The following PHLDB1 variants were observed in gnomAD, a reference collection of about 807,000 sequenced individuals.
PHLDB1 encodes pleckstrin homology-like domain family B member 1.
A neutral mutation model predicts 139.3 loss-of-function variants in PHLDB1; 65 were observed. That is an observed-to-expected ratio of 0.47 (90% CI 0.38 to 0.57). The LOEUF (loss-of-function observed/expected upper bound fraction) is 0.57. PHLDB1 is among the 20% of genes least tolerant of loss of function. The pLI is 0.00. For missense variants in PHLDB1, 1,624 were observed against 1,839.7 expected (o/e 0.88, Z 2.14); for synonymous variants, 679 against 734.5 (o/e 0.92, Z 1.22).
At chr11:118,637,130 A>G (rs1290592986) in intron 10 of PHLDB1, 1 of 152,134 alleles carries the variant, frequency 6.6e-6, no homozygotes, top group Non-Finnish European at 1.5e-5. Flanking sequence ...GATGATTCTA[A>G]TCCGTGCTCT....
At chr11:118,638,841 G>T in intron 10 of PHLDB1, 50 bp from the exon 11 acceptor site, 1 of 1,403,412 alleles carries the variant, frequency 7.1e-7, no homozygotes, top group Non-Finnish European at 9.7e-7. Flanking sequence ...TCTCACCTTG[G>T]GCTCAGCCCT....
chr11:118,634,889 G>A (rs1018070197), intron 9 of PHLDB1: 62 of 423,492 alleles, frequency 1.5e-4, no homozygotes, highest in Non-Finnish European at 2.6e-4. Context: ...TCTCCCCTGT[G>A]CCCCGCCCTC....
In PHLDB1 at chr11:118,614,504, G is replaced by C; in HGVS notation, c.61-55G>C. On this transcript the variant is annotated intron_variant, in intron 2 of 22. Transcript: ENST00000600882. The stretch of plus-strand genomic sequence containing the variant: ...AGAGAGTGCTGGTGTGACTGGTTTA[G>C]GGTGGTAAGGTGCTGAATCTAATGA... The C allele has an allele frequency of 2.5e-6, 4 of 1,601,678 alleles. No individual in the cohort carries two copies. The Admixed American group carries it at 6.7e-5, about 27-fold the overall frequency.
intron 9 of PHLDB1, 60 bp from the exon 10 acceptor site, chr11:118,635,333 T>G (rs1945468207): frequency 6.6e-7 from 1 of 1,505,482 alleles, no homozygotes; most frequent in East Asian, 2.3e-5. Flanking sequence ...TGGCCTGGTC[T>G]TCCAGGCCCA....
chr11:118,631,196 A>G lies in PHLDB1; in HGVS notation c.1828-11A>G, dbSNP rs1555109510. 1.3e-5 allele frequency: 18 copies of G among 1,420,424 alleles called. No homozygotes were observed. The Admixed American group carries it at 4.2e-4, about 34-fold the overall frequency. 88.0% of individuals were successfully genotyped at this position (1,420,424 alleles called of 1,614,324 possible). ...CTCCCCTTCATGTCCTGCTCTGTCC[A>G]TCCTCCCCAGGAACGCCAGCGCCTG... On this transcript the variant is annotated splice_polypyrimidine_tract_variant and intron_variant, in intron 6 of 22. Transcript: ENST00000600882.
Position 118,632,991 on chromosome 11 carries a change from C to CTT in PHLDB1, c.2379+709_2379+710dup, listed in dbSNP as rs67219463. ...TGAGAATCTTAAAAATTCTTTGACC[C>CTT]TTTTTTTTTTTTTTTGGAGCTTTGG... On this transcript the variant is annotated intron_variant, in intron 9 of 22. Coordinates refer to ENST00000600882, the MANE Select transcript of PHLDB1 (RefSeq NM_001144758.3). The surrounding 1 kb of genome is among the most constrained non-coding windows in gnomAD (Gnocchi z 5.9). 2.7e-4 allele frequency: 48 copies of CTT among 178,896 alleles called. No homozygotes were observed. The highest frequency in any genetic ancestry group is 3.6e-4 in the Non-Finnish European group (36 of 100,520). The allele number at this position is 178,896 out of a possible 1,614,324, so 11.1% of individuals were successfully genotyped here. A position where few individuals can be genotyped will look rare whatever the true frequency, so the allele number is the denominator to read the frequency against.
Position 118,645,125 on chromosome 11 carries a change from A to G in PHLDB1, c.3122-231A>G. Reference sequence around the variant, plus strand: ...TGTCCTATATGGACTCAGGGTGCGAAAGAGCACTGAAGCCAGACTGTGCAT... The same window carrying G: ...TGTCCTATATGGACTCAGGGTGCGAGAGAGCACTGAAGCCAGACTGTGCAT... On this transcript the variant is annotated intron_variant, in intron 15 of 22. Coordinates refer to ENST00000600882, the MANE Select transcript of PHLDB1 (RefSeq NM_001144758.3). This position sits in a 1 kb window ranked among gnomAD's most constrained non-coding sequence, Gnocchi z 5.1. 2.1e-6 allele frequency: 1 copy of G among 482,510 alleles called. No homozygotes were observed. The highest frequency in any genetic ancestry group is 3.6e-6 in the Non-Finnish European group (1 of 276,048). The allele number at this position is 482,510 out of a possible 1,614,324, so 29.9% of individuals were successfully genotyped here.
chr11:118,632,950 C>A lies in PHLDB1; in HGVS notation c.2379+654C>A. On this transcript the variant is annotated intron_variant, in intron 9 of 22. Coordinates refer to ENST00000600882, the MANE Select transcript of PHLDB1 (RefSeq NM_001144758.3). The surrounding 1 kb of genome is among the most constrained non-coding windows in gnomAD (Gnocchi z 5.9). ...CCTTCTGGATTTTTTGAGTTTCTTC[C>A]TCCTGCCCTCAATTTTGAGAATCTT... 2.1e-6 allele frequency: 1 copy of A among 484,120 alleles called. No individual in the cohort carries two copies. Among genetic ancestry groups the A allele is most frequent in the Non-Finnish European group, 2.7e-6 (1 of 372,256 alleles). The allele number at this position is 484,120 out of a possible 1,614,324, so 30.0% of individuals were successfully genotyped here.
At chr11:118,652,488 C>T (rs78723176) in intron 20 of PHLDB1, 44 of 152,392 alleles carry the variant, frequency 2.9e-4, no homozygotes, top group African/African-American at 1.0e-3. Flanking sequence ...TTATCAAGCA[C>T]TTGCATGAGC....
At chr11:118,612,634 A>C (rs1276704766) in intron 1 of PHLDB1, among the ~76,000 whole-genome samples, 3 of 152,204 alleles carry the variant, frequency 2.0e-5, no homozygotes, top group African/African-American at 7.2e-5. Context: ...GAGATGATGC[A>C]GTCCAGGTCC....
At chr11:118,642,033 C>G in intron 12 of PHLDB1, 1 of 642,554 alleles carries the variant, frequency 1.6e-6, no homozygotes, top group Admixed American at 2.5e-5. Flanking sequence ...TTTTTCTCTT[C>G]TTTTTCTTGA....
At chr11:118,622,015 CTA>C (rs1555095525) in intron 4 of PHLDB1, among the ~76,000 whole-genome samples, 1 of 152,216 alleles carries the variant, frequency 6.6e-6, no homozygotes, top group African/African-American at 2.4e-5. Context: ...TGTTGTGTTA[CTA>C]TGAGTGTGTA....
chr11:118,623,049 G>A (rs1192971173), intron 4 of PHLDB1, among the ~76,000 whole-genome samples: 1 of 152,190 alleles, frequency 6.6e-6, no homozygotes, highest in Admixed American at 6.5e-5. Context: ...CCAGGAACAG[G>A]CTCCTGAGCT....
Position 118,657,294 on chromosome 11 carries a change from C to T in PHLDB1, c.*471C>T, listed in dbSNP as rs182253604. 6.4e-6 allele frequency: 1 copy of T among 155,770 alleles called. No individual in the cohort carries two copies. The highest frequency in any genetic ancestry group is 6.2e-5 in the Admixed American group (1 of 16,042). 9.6% of individuals were successfully genotyped at this position (155,770 alleles called of 1,614,324 possible). On this transcript the variant is annotated 3_prime_UTR_variant, in exon 23 of 23. Transcript: ENST00000600882. ...CCCTTATACTTTTTATTACCTTGCT[C>T]AAGGGCCAGAGATCTCAAGTGTCAA...
In PHLDB1 at chr11:118,645,424, C is replaced by T; in HGVS notation, c.3190C>T (p.Gln1064Ter). The T allele has an allele frequency of 1.9e-6, 3 of 1,549,028 alleles. No individual in the cohort carries two copies. Among genetic ancestry groups the T allele is most frequent in the African/African-American group, 1.4e-5 (1 of 72,854 alleles). Residue 1064 changes from glutamine (Q) to a stop codon, truncating the protein, a stop_gained, in exon 16 of 23, where the codon CAG (glutamine) becomes TAG (stop). Transcript: ENST00000600882. LOFTEE classifies it high-confidence loss of function. This position sits in a 1 kb window ranked among gnomAD's most constrained non-coding sequence, Gnocchi z 5.1. ...ELKQKAAAEA[Q>*]CQWDALHGAA... is the part of the protein sequence containing the mutation. ...GAAGCAGAAAGCGGCAGCTGAGGCA[C>T]AGTGCCAGTGGGATGCCCTTCACGG...
intron 5 of PHLDB1, among the ~76,000 whole-genome samples, chr11:118,626,270 C>T (rs1943852938): frequency 6.6e-6 from 1 of 151,756 alleles, no homozygotes. Context: ...CCCTGGGCCT[C>T]TGGTTCCTAC....
rs1007734426 is a variant in PHLDB1, at chr11:118,632,842, C to G, written c.2379+546C>G. On this transcript the variant is annotated intron_variant, in intron 9 of 22. Transcript: ENST00000600882. This position sits in a 1 kb window ranked among gnomAD's most constrained non-coding sequence, Gnocchi z 5.9. ...AGCCTGCAGGGGCCACTCCCAGATG[C>G]CCAACACCGTGCCAAAAGCTCTGAA... 4 of 985,766 alleles carry G rather than the reference C, an allele frequency of 4.1e-6. No individual in the cohort carries two copies. Among genetic ancestry groups the G allele is most frequent in the Non-Finnish European group, 4.8e-6 (4 of 829,954 alleles). The allele number at this position is 985,766 out of a possible 1,614,324, so 61.1% of individuals were successfully genotyped here.
At position 118,643,855 on chromosome 11, in the gene PHLDB1, G is replaced by A. The variant is rs149786296; in HGVS notation, c.2933G>A (p.Ser978Asn). The change falls in exon 14 of 23, where the codon AGC (serine) becomes AAC (asparagine). Residue 978 changes from serine to asparagine, a missense_variant. Transcript: ENST00000600882. ...ACCAGCCCCCTTCCCCGGACCCGCA[G>A]CGGCCCCCTCCCCTCCTCCTCTGGC... is the stretch of plus-strand genomic sequence containing the variant. ...EATSPLPRTR[S>N]GPLPSSSGSS... 7.4e-6 allele frequency: 12 copies of A among 1,613,654 alleles called. No homozygotes were observed. Among genetic ancestry groups the A allele is most frequent in the Non-Finnish European group, 8.5e-6 (10 of 1,179,784 alleles).
chr11:118,643,294 G>A (rs184356047), intron 13 of PHLDB1, among the ~76,000 whole-genome samples: 27 of 152,352 alleles, frequency 1.8e-4, no homozygotes, highest in Admixed American at 3.9e-4. Flanking sequence ...AAGTAGCAGA[G>A]CTTATGCCAC....
Sources: gnomAD v4.1 joint callset for allele counts (sites outside exome capture counted in the v4.1 genomes callset) on GRCh38, gnomAD v4.1.1 for gene constraint, Gnocchi (gnomAD v3.1) non-coding constraint, MANE v1.5 for transcripts, NCBI Gene and HGNC (gene_info 2026-07-23, HGNC 2026-07-21) for gene names.